Variants in PEX13 observed in about 807,000 individuals in gnomAD.
PEX13 encodes the protein peroxisomal biogenesis factor 13.
In PEX13, 28 loss-of-function variants were observed where a neutral mutation model predicts 34.5. The ratio of observed to expected loss-of-function variants is 0.81; its 90% CI spans 0.60 to 1.11. The LOEUF (loss-of-function observed/expected upper bound fraction) is 1.11. Among genes scored for constraint, PEX13 ranks in the 50% most tolerant of loss-of-function variants. The pLI, the probability that PEX13 is intolerant of heterozygous loss-of-function variation, is 0.00. For synonymous variants in PEX13, 177 were observed against 175.1 expected (o/e 1.01, Z -0.09); for missense variants, 550 against 491.0 (o/e 1.12, Z -1.13).
chr2:61,044,790 A>G (rs1224223211), intron 2 of PEX13, among the ~76,000 whole-genome samples: 2 of 152,234 alleles, frequency 1.3e-5, no homozygotes, highest in African/African-American at 2.4e-5. Flanking sequence ...AGTTTGACTC[A>G]CAAGTAATGT....
chr2:61,034,393 G>T (rs144181229), intron 2 of PEX13, among the ~76,000 whole-genome samples: 1 of 152,226 alleles, frequency 6.6e-6, no homozygotes, highest in Admixed American at 6.5e-5. Context: ...CAAGATCGAC[G>T]CAGAAGGCGG....
In PEX13 at chr2:61,031,810, T is replaced by C. The variant is rs1222771988; in HGVS notation, c.484T>C (p.Leu162=). The C allele has an allele frequency of 5.0e-6, 8 of 1,613,546 alleles. No homozygotes were observed. The highest frequency in any genetic ancestry group is 1.7e-5 in the Admixed American group (1 of 60,002). The part of the protein sequence containing the change: ...SAVYNSFRAV[L]DVANHFSRLK... ...TGTCTATAACAGTTTCAGGGCTGTA[T>C]TGGATGTAGCAAATCACTTTTCCCG... The change falls in exon 2 of 4, where the codon TTG becomes CTG. Residue 162 remains leucine, a synonymous_variant. Transcript: ENST00000295030.
At chr2:61,025,261 G>T (rs1298049931) in intron 1 of PEX13, among the ~76,000 whole-genome samples, 1 of 151,790 alleles carries the variant, frequency 6.6e-6, no homozygotes, top group Non-Finnish European at 1.5e-5. Context: ...AATAGAGACG[G>T]GGTTTCACCA....
chr2:61,033,710 A>G (rs1477508717), intron 2 of PEX13, among the ~76,000 whole-genome samples: 2 of 152,178 alleles, frequency 1.3e-5, no homozygotes, highest in African/African-American at 4.8e-5. Flanking sequence ...GCCTCCCTGA[A>G]GGAGTTAAGG....
chr2:61,021,887 G>T (rs1680270744), intron 1 of PEX13, among the ~76,000 whole-genome samples: 1 of 152,200 alleles, frequency 6.6e-6, no homozygotes, highest in South Asian at 2.1e-4. Flanking sequence ...GGCAAACAGG[G>T]TCTGCAGTGG....
intron 2 of PEX13, among the ~76,000 whole-genome samples, chr2:61,037,123 G>A (rs532517995): frequency 6.6e-6 from 1 of 152,274 alleles, no homozygotes; most frequent in Non-Finnish European, 1.5e-5. Context: ...GATTCATAAA[G>A]TAAGACCTTA....
At chr2:61,024,583 G>A (rs1046361393) in intron 1 of PEX13, among the ~76,000 whole-genome samples, 8 of 152,294 alleles carry the variant, frequency 5.3e-5, no homozygotes, top group Non-Finnish European at 4.4e-5. Flanking sequence ...GCCGAGGCGC[G>A]TGGATCACGA....
intron 2 of PEX13, among the ~76,000 whole-genome samples, chr2:61,034,102 T>C (rs1680495724): frequency 6.6e-6 from 1 of 152,110 alleles, no homozygotes; most frequent in Non-Finnish European, 1.5e-5. Flanking sequence ...GTTAAAGCAA[T>C]TCTCCTGCCT....
intron 3 of PEX13, among the ~76,000 whole-genome samples, chr2:61,047,332 T>A (rs1389728680): frequency 1.3e-5 from 2 of 152,066 alleles, no homozygotes; most frequent in African/African-American, 4.8e-5. Context: ...GTTTTTGTAT[T>A]TTTAGTAGAG....
At position 61,045,731 on chromosome 2, in the gene PEX13, A is replaced by G. The variant is rs775218960; in HGVS notation, c.793A>G (p.Ile265Val). 2 of 1,613,358 alleles carry G rather than the reference A, an allele frequency of 1.2e-6. No individual in the cohort carries two copies. Among genetic ancestry groups the G allele is most frequent in the South Asian group, 2.2e-5 (2 of 91,074 alleles). Residue 265 changes from isoleucine (I) to valine (V), a missense_variant, in exon 3 of 4, where the codon ATC becomes GTC. Ile to Val is a conservative substitution (Grantham distance 29). Coordinates refer to ENST00000295030, the MANE Select transcript of PEX13 (RefSeq NM_002618.4). ...STHSDEVTDS[I>V]NWASGEDDHV... ...AATTTTAATTTGGCTTATAGACAGCATCAACTGGGCAAGTGGTGAGGATGA... is the reference window on the plus strand; with the variant it reads ...AATTTTAATTTGGCTTATAGACAGCGTCAACTGGGCAAGTGGTGAGGATGA...
In PEX13 at chr2:61,048,845, T is replaced by C. The variant is rs568893788; in HGVS notation, c.*75T>C. 9.4e-5 allele frequency: 114 copies of C among 1,213,186 alleles called. 1 individual carries two copies. In the South Asian group the frequency reaches 1.4e-3, roughly 15 times the overall value. The allele number at this position is 1,213,186 out of a possible 1,614,324, so 75.2% of individuals were successfully genotyped here. A position where few individuals can be genotyped will look rare whatever the true frequency, so the allele number is the denominator to read the frequency against. On this transcript the variant is annotated 3_prime_UTR_variant, in exon 4 of 4. Coordinates refer to ENST00000295030, the MANE Select transcript of PEX13 (RefSeq NM_002618.4). ...AAATTATTTCTCACAAAGAAATGAA[T>C]GTACAATCCAATGAAAACATTTGTT...
chr2:61,028,512 G>C (rs562741283), intron 1 of PEX13, among the ~76,000 whole-genome samples: 1 of 150,710 alleles, frequency 6.6e-6, no homozygotes, highest in Non-Finnish European at 1.5e-5. Flanking sequence ...TCAGCCTCCC[G>C]AGTAGCTGGG....
At chr2:61,048,424 A>G in intron 3 of PEX13, 48 bp from the exon 4 acceptor site, 1 of 1,471,836 alleles carries the variant, frequency 6.8e-7, no homozygotes, top group Non-Finnish European at 9.5e-7. Context: ...ATTCTGTTGG[A>G]CCTCCAAAGT....
intron 2 of PEX13, among the ~76,000 whole-genome samples, chr2:61,036,802 G>T (rs189403429): frequency 6.6e-6 from 1 of 152,138 alleles, no homozygotes; most frequent in Non-Finnish European, 1.5e-5. Flanking sequence ...ATGTAAATGG[G>T]CTAAATGCCC....
At chr2:61,032,371 C>A (rs1037072858) in intron 2 of PEX13, among the ~76,000 whole-genome samples, 7 of 152,224 alleles carry the variant, frequency 4.6e-5, no homozygotes, top group Middle Eastern at 3.4e-3. Flanking sequence ...ATACATAGGG[C>A]ATAATTCCTA....
chr2:61,045,296 T>TC, intron 2 of PEX13, among the ~76,000 whole-genome samples: 1 of 152,364 alleles, frequency 6.6e-6, no homozygotes. Flanking sequence ...AATATTTCAT[T>TC]CTTCTAAGTA....
At chr2:61,023,882 A>G (rs778982379) in intron 1 of PEX13, among the ~76,000 whole-genome samples, 6 of 151,582 alleles carry the variant, frequency 4.0e-5, no homozygotes, top group Admixed American at 6.6e-5. Flanking sequence ...TGCAGCTTCC[A>G]TCTCCCAGGG....
rs534163558 is a variant in PEX13 at position 61,017,999 on chromosome 2, G to A, written c.92+148G>A. The A allele has an allele frequency of 4.9e-4, 656 of 1,331,400 alleles. 9 individuals are homozygous for A. In the South Asian group the frequency reaches 8.7e-3, roughly 18 times the overall value. The allele number at this position is 1,331,400 out of a possible 1,614,324, so 82.5% of individuals were successfully genotyped here. ...GGGATAGGGGCCGAGGTGGAGCTGG[G>A]GCGCTTACCAGTGGGGACTTTAGTG... On this transcript the variant is annotated intron_variant, in intron 1 of 3. Transcript: ENST00000295030.
At chr2:61,031,294 A>T in intron 1 of PEX13, 125 bp from the exon 2 acceptor site, 1 of 766,892 alleles carries the variant, frequency 1.3e-6, no homozygotes, top group Non-Finnish European at 2.2e-6. Flanking sequence ...CCTGTCTCTA[A>T]ATCAATTAAT....
Sources: allele counts gnomAD v4.1 joint callset (sites outside exome capture counted in the v4.1 genomes callset), GRCh38; gene constraint gnomAD v4.1.1; transcripts MANE v1.5; gene names NCBI Gene and HGNC (gene_info 2026-07-23, HGNC 2026-07-21).